C1GALT1: variants seen among roughly 807,000 people sequenced by gnomAD.
C1GALT1 encodes core 1 synthase, glycoprotein-N-acetylgalactosamine 3-beta-galactosyltransferase 1, also known as glycoprotein-N-acetylgalactosamine 3-beta-galactosyltransferase 1.
In C1GALT1, 11 loss-of-function variants were observed where a neutral mutation model predicts 31.0. That is an observed-to-expected ratio of 0.36 (90% CI 0.22 to 0.59). C1GALT1 has a LOEUF of 0.59. Ranked by LOEUF, C1GALT1 falls within the 20% of genes least tolerant of loss-of-function variation. C1GALT1 has a pLI of 0.79. For synonymous variants in C1GALT1, 175 were observed against 143.6 expected (o/e 1.22, Z -1.56); for missense variants, 424 against 425.2 (o/e 1.00, Z 0.03).
intron 1 of C1GALT1, among the ~76,000 whole-genome samples, chr7:7,183,907 C>T (rs533371865): frequency 6.6e-6 from 1 of 152,020 alleles, no homozygotes; most frequent in Non-Finnish European, 1.5e-5. Context: ...AATAATTGGC[C>T]GATGTGTAAG....
intron 1 of C1GALT1, among the ~76,000 whole-genome samples, chr7:7,226,882 AAGC>A (rs1168491384): frequency 3.3e-5 from 5 of 152,188 alleles, no homozygotes; most frequent in Non-Finnish European, 5.9e-5. Flanking sequence ...TACCAAATAA[AAGC>A]AGTTAACAAA....
chr7:7,220,544 A>T (rs1782463150), intron 1 of C1GALT1, among the ~76,000 whole-genome samples: 1 of 151,842 alleles, frequency 6.6e-6, no homozygotes, highest in South Asian at 2.1e-4. Context: ...TTTGAGACGG[A>T]GTCTCACTCT....
At chr7:7,182,850 C>A (rs969273123) in intron 1 of C1GALT1, 30 bp downstream of exon 1, 153 of 985,342 alleles carry the variant, frequency 1.6e-4, no homozygotes, top group Non-Finnish European at 1.8e-4. Flanking sequence ...CCTCAGGCTA[C>A]GGGTCCAAGG....
chr7:7,174,354 A>C (rs1467252606), intron 2 of C1GALT1, among the ~76,000 whole-genome samples: 1 of 152,238 alleles, frequency 6.6e-6, no homozygotes, highest in African/African-American at 2.4e-5. Context: ...TTGTGTGGAC[A>C]TAAGTTTCAC....
intron 1 of C1GALT1, among the ~76,000 whole-genome samples, chr7:7,218,874 C>T (rs1447215984): frequency 6.7e-6 from 1 of 150,056 alleles, no homozygotes. Flanking sequence ...TGCTCTGTCG[C>T]CCAGGCTGGA....
chr7:7,222,953 A>T lies in C1GALT1; in HGVS notation c.-17-11350A>T, dbSNP rs112314653. Among the ~76,000 whole-genome samples the T allele has an allele frequency of 1.7e-4, 26 of 148,576 alleles. 1 individual carries two copies. Among genetic ancestry groups the T allele is most frequent in the African/African-American group, 3.9e-4 (16 of 40,566 alleles). ...AGATTTTTGTAGTTAAGCTTTTTTT[A>T]AAAAAAAGTCAACTGAGTTACTTAC... On this transcript the variant is annotated intron_variant, in intron 1 of 3. Coordinates refer to ENST00000436587, the MANE Select transcript of C1GALT1 (RefSeq NM_020156.5).
intron 1 of C1GALT1, among the ~76,000 whole-genome samples, chr7:7,220,053 G>T (rs1428952958): frequency 2.0e-5 from 3 of 152,280 alleles, no homozygotes; most frequent in Non-Finnish European, 2.9e-5. Flanking sequence ...CACTGCTCAT[G>T]AATGCTTTTT....
intron 1 of C1GALT1, among the ~76,000 whole-genome samples, chr7:7,204,058 G>A (rs965062575): frequency 3.3e-5 from 5 of 149,672 alleles, no homozygotes; most frequent in Non-Finnish European, 7.4e-5. Flanking sequence ...GGTAATGCTG[G>A]CCTCACAGAA....
intron 1 of C1GALT1, among the ~76,000 whole-genome samples, chr7:7,232,498 TTTTTTTTTTTTTGA>T (rs959593081): frequency 5.3e-5 from 1 of 19,016 alleles, no homozygotes; most frequent in Non-Finnish European, 8.2e-5. Context: ...TTTTTTTTTG[TTTTTTTTTTTTTGA>T]GACAGAGTCT....
chr7:7,221,959 C>G (rs1721959183), intron 1 of C1GALT1, among the ~76,000 whole-genome samples: 1 of 152,138 alleles, frequency 6.6e-6, no homozygotes, highest in South Asian at 2.1e-4. Flanking sequence ...TGAGGTGTGA[C>G]CTACGTTAAC....
intron 1 of C1GALT1, among the ~76,000 whole-genome samples, chr7:7,198,294 G>A (rs1257429524): frequency 1.3e-5 from 2 of 152,194 alleles, no homozygotes; most frequent in African/African-American, 4.8e-5. Context: ...AGATAATCAT[G>A]TGGTTTTTGT....
intron 1 of C1GALT1, among the ~76,000 whole-genome samples, chr7:7,185,527 C>T (rs1008786949): frequency 6.6e-6 from 1 of 152,200 alleles, no homozygotes; most frequent in Non-Finnish European, 1.5e-5. Context: ...TTCCATGCCT[C>T]TTAGCTTGTT....
At chr7:7,165,886 T>C (rs956624490) in intron 2 of C1GALT1, among the ~76,000 whole-genome samples, 1 of 152,172 alleles carries the variant, frequency 6.6e-6, no homozygotes, top group African/African-American at 2.4e-5. Context: ...TTTGAAAATA[T>C]TGTATAAAAT....
chr7:7,182,877 C>G, intron 1 of C1GALT1, 57 bp downstream of exon 1: 1 of 981,264 alleles, frequency 1.0e-6, no homozygotes, highest in Non-Finnish European at 1.2e-6. Flanking sequence ...CTCCCCTCGC[C>G]CTCCCCCCTC....
intron 2 of C1GALT1, among the ~76,000 whole-genome samples, chr7:7,171,644 C>A (rs1420975787): frequency 2.6e-5 from 4 of 152,002 alleles, no homozygotes; most frequent in African/African-American, 9.7e-5. Flanking sequence ...GTATGTCATA[C>A]TTTTTTCCTC....
chr7:7,194,209 T>C (rs1011026427), intron 1 of C1GALT1, among the ~76,000 whole-genome samples: 1 of 152,126 alleles, frequency 6.6e-6, no homozygotes, highest in Non-Finnish European at 1.5e-5. Context: ...TCCAGTACTA[T>C]GTTGAATAGA....
At chr7:7,188,200 A>T (rs1322046554) in intron 1 of C1GALT1, among the ~76,000 whole-genome samples, 1 of 152,238 alleles carries the variant, frequency 6.6e-6, no homozygotes, top group Non-Finnish European at 1.5e-5. Flanking sequence ...TAAGGGAAGC[A>T]TTAAGAATAT....
intron 1 of C1GALT1, among the ~76,000 whole-genome samples, chr7:7,188,256 A>G (rs1157297924): frequency 6.6e-6 from 1 of 152,214 alleles, no homozygotes; most frequent in Non-Finnish European, 1.5e-5. Flanking sequence ...TGAGTGAAAT[A>G]GGAACCCATT....
chr7:7,177,177 C>G (rs373674707), intron 2 of C1GALT1, among the ~76,000 whole-genome samples: 2 of 152,192 alleles, frequency 1.3e-5, no homozygotes, highest in Non-Finnish European at 2.9e-5. Flanking sequence ...GCCATTCATC[C>G]ACTACATAAT....
Sources: gnomAD v4.1 joint callset for allele counts (sites outside exome capture counted in the v4.1 genomes callset) on GRCh38, gnomAD v4.1.1 for gene constraint, MANE v1.5 for transcripts, NCBI Gene and HGNC (gene_info 2026-07-23, HGNC 2026-07-21) for gene names.